The following KLF7 variants were observed in gnomAD, a reference collection of about 807,000 sequenced individuals.
KLF7 encodes the protein KLF transcription factor 7.
Under a neutral mutation model 27.3 loss-of-function variants are expected in KLF7, and 2 were observed. The ratio of observed to expected loss-of-function variants is 0.07; its 90% confidence interval spans 0.03 to 0.23. KLF7 has a LOEUF of 0.23. Among genes scored for constraint, KLF7 ranks in the 10% least tolerant of loss-of-function variants. The probability of loss-of-function intolerance (pLI) is 1.00; values close to 1 mark genes in which losing one functional copy is unlikely to be tolerated. For missense variants in KLF7, 221 were observed against 394.1 expected, an observed-to-expected ratio of 0.56 and a Z score of 3.72; for synonymous variants, 165 against 162.4, an observed-to-expected ratio of 1.02 and a Z score of -0.12.
At chr2:207,121,356 G>C (rs1189328192) in intron 2 of KLF7, 3 of 152,174 alleles carry the variant, frequency 2.0e-5, no homozygotes, top group Non-Finnish European at 2.9e-5. Context: ...AACAACAACA[G>C]TAATAGCTAC....
upstream of KLF7, chr2:207,166,726 G>T: frequency 1.1e-6 from 1 of 888,142 alleles, no homozygotes; most frequent in Non-Finnish European, 1.3e-6. Flanking sequence ...AGGGACCCGC[G>T]CGAGGCGGTG....
At chr2:207,096,457 CT>C (rs1318236687) in intron 2 of KLF7, among the ~76,000 whole-genome samples, 2 of 152,214 alleles carry the variant, frequency 1.3e-5, no homozygotes, top group Non-Finnish European at 2.9e-5. Flanking sequence ...TTTAGCATCT[CT>C]GTTTATGGGT....
chr2:207,111,112 C>T (rs1172860709), intron 2 of KLF7, among the ~76,000 whole-genome samples: 6 of 152,188 alleles, frequency 3.9e-5, no homozygotes, highest in Non-Finnish European at 7.3e-5. Context: ...GAAAAAATCT[C>T]CCCTGGTTGA....
At chr2:207,146,109 A>G (rs1210482912) in intron 1 of KLF7, among the ~76,000 whole-genome samples, 2 of 152,218 alleles carry the variant, frequency 1.3e-5, no homozygotes, top group South Asian at 4.1e-4. Flanking sequence ...AGTAAATAAC[A>G]TTCTGATATA....
At chr2:207,109,133 C>G (rs1210297024) in intron 2 of KLF7, among the ~76,000 whole-genome samples, 1 of 152,218 alleles carries the variant, frequency 6.6e-6, no homozygotes, top group African/African-American at 2.4e-5. Context: ...GATACCACTT[C>G]AAGAATCAAT....
chr2:207,143,482 G>A (rs2078003144), intron 1 of KLF7, among the ~76,000 whole-genome samples: 1 of 151,956 alleles, frequency 6.6e-6, no homozygotes, highest in Admixed American at 6.6e-5. Context: ...TCAGTTGAGG[G>A]AACTGAAGGT....
upstream of KLF7, chr2:207,165,988 G>C: frequency 1.0e-6 from 1 of 993,376 alleles, no homozygotes; most frequent in South Asian, 4.6e-5. Flanking sequence ...TTGGGAGGTT[G>C]CATTTTTTTC....
chr2:207,134,153 G>GGTTTTTTT, intron 1 of KLF7: 1 of 1,297,550 alleles, frequency 7.7e-7, no homozygotes, highest in Non-Finnish European at 9.8e-7. Context: ...GGGCTACTGG[G>GGTTTTTTT]ATTTTTTTTT....
In KLF7 at chr2:207,134,154, ATTTTTTTT is replaced by A. The variant is rs35538720; in HGVS notation, c.103-9758_103-9751del. On this transcript the variant is annotated intron_variant, in intron 1 of 3. Transcript: ENST00000309446. Reference sequence around the variant, plus strand: ...GCACAGGCTGACTCGGGCTACTGGGATTTTTTTTTTTTTTTTTTTTTAAAGCAAACTCA... The same window carrying A: ...GCACAGGCTGACTCGGGCTACTGGGATTTTTTTTTTTTTAAAGCAAACTCA... The A allele has an allele frequency of 3.5e-5, 40 of 1,142,536 alleles. No homozygotes were observed. In the South Asian group the frequency reaches 6.5e-4, roughly 19 times the overall value. The allele number at this position is 1,142,536 out of a possible 1,614,324, so 70.8% of individuals were successfully genotyped here.
At chr2:207,134,119 C>T (rs780842001) in intron 1 of KLF7, 1 of 1,532,460 alleles carries the variant, frequency 6.5e-7, no homozygotes, top group South Asian at 1.2e-5. Flanking sequence ...CTTCCTCTCC[C>T]AAATCACTTG....
chr2:207,143,100 A>G (rs1209699395), intron 1 of KLF7, among the ~76,000 whole-genome samples: 4 of 152,220 alleles, frequency 2.6e-5, no homozygotes, highest in African/African-American at 9.6e-5. Flanking sequence ...AAAACAACAC[A>G]ACAACAAAAA....
chr2:207,124,535 A>G (rs2105990130), intron 1 of KLF7, 131 bp from the exon 2 acceptor site: 1 of 850,216 alleles, frequency 1.2e-6, no homozygotes, highest in South Asian at 1.8e-5. Context: ...ATGCCTTAGT[A>G]GAAGGTCTGA....
intron 2 of KLF7, among the ~76,000 whole-genome samples, chr2:207,095,031 C>CTTTTTTTTTTTTTTTTTTTTTTTTTTT (rs36091471): frequency 1.2e-5 from 1 of 82,416 alleles, no homozygotes; most frequent in African/African-American, 4.8e-5. Flanking sequence ...TGTTTTTATT[C>CTTTTTTTTTTTTTTTTTTTTTTTTTTT]TTTTTTTTTT....
chr2:207,126,385 T>C (rs2077476579), intron 1 of KLF7, among the ~76,000 whole-genome samples: 1 of 152,184 alleles, frequency 6.6e-6, no homozygotes, highest in African/African-American at 2.4e-5. Flanking sequence ...ATAATGTCTG[T>C]CAAAGACAAA....
At position 207,076,812 on chromosome 2, in the gene KLF7, C is replaced by A. The variant is rs1220246986; in HGVS notation, c.*4401G>T. ...ATTTGAGTCCTCCCCTCCTGCCCCC[C>A]AACTCTTGCGCTTGGCAGGTGGCCA... On this transcript the variant is annotated 3_prime_UTR_variant, in exon 4 of 4. Coordinates refer to ENST00000309446, the MANE Select transcript of KLF7 (RefSeq NM_003709.4). 2.6e-5 allele frequency: 4 copies of A among 152,180 alleles called. No homozygotes were observed. In the East Asian group the frequency reaches 7.7e-4, roughly 29 times the overall value. 9.4% of individuals were successfully genotyped at this position (152,180 alleles called of 1,614,324 possible).
intron 3 of KLF7, among the ~76,000 whole-genome samples, chr2:207,084,084 T>C (rs2076334625): frequency 6.6e-6 from 1 of 152,162 alleles, no homozygotes. Context: ...ACTAAATTTG[T>C]GGCAAGTGGT....
Position 207,124,124 on chromosome 2 carries a change from G to A in KLF7, c.383C>T (p.Ala128Val). The A allele has an allele frequency of 6.2e-7, 1 of 1,614,180 alleles. No homozygotes were observed. ...TAATGAGGTCACTGCGTTGAGCTGG[G>A]CCTGGTTGACGGCTGTGTAGCTGTC... is the stretch of plus-strand genomic sequence containing the variant. ...SLDSYTAVNQ[A>V]QLNAVTSLTP... Residue 128 changes from alanine (A) to valine (V), a missense_variant, in exon 2 of 4, where the codon GCC (alanine) becomes GTC (valine). By Grantham distance (64) the Ala-to-Val change is moderately conservative (BLOSUM62 0). Coordinates refer to ENST00000309446, the MANE Select transcript of KLF7 (RefSeq NM_003709.4).
At chr2:207,145,109 T>C (rs775728592) in intron 1 of KLF7, among the ~76,000 whole-genome samples, 2 of 152,322 alleles carry the variant, frequency 1.3e-5, no homozygotes, top group East Asian at 1.9e-4. Flanking sequence ...TAAAAACGAA[T>C]TGCCACCACT....
At chr2:207,159,732 G>T (rs1221275120) in intron 1 of KLF7, among the ~76,000 whole-genome samples, 3 of 152,130 alleles carry the variant, frequency 2.0e-5, no homozygotes, top group Non-Finnish European at 2.9e-5. Flanking sequence ...CACCTCATTT[G>T]GGCTGATACT....
Sources: allele counts gnomAD v4.1 joint callset (sites outside exome capture counted in the v4.1 genomes callset), GRCh38; gene constraint gnomAD v4.1.1; transcripts MANE v1.5; gene names NCBI Gene and HGNC (gene_info 2026-07-23, HGNC 2026-07-21).